EFCAB5: variants seen among roughly 807,000 people sequenced by gnomAD.
EFCAB5 encodes EF-hand calcium-binding domain-containing protein 5.
A neutral mutation model predicts 167.9 loss-of-function variants in EFCAB5; 131 were observed. The ratio of observed to expected loss-of-function variants is 0.78; its 90% CI spans 0.68 to 0.90. The LOEUF is 0.90. Ranked by LOEUF, EFCAB5 falls within the 40% of genes least tolerant of loss-of-function variation. The pLI is 0.00. For missense variants in EFCAB5, 1,663 were observed against 1,745.2 expected (o/e 0.95, Z 0.84); for synonymous variants, 574 against 602.8 (o/e 0.95, Z 0.70).
chr17:29,974,001 A>G (rs1250361525), intron 4 of EFCAB5, among the ~76,000 whole-genome samples: 1 of 151,406 alleles, frequency 6.6e-6, no homozygotes, highest in Non-Finnish European at 1.5e-5. Flanking sequence ...TACTAAAAAT[A>G]CAAAAATTAA....
intron 3 of EFCAB5, among the ~76,000 whole-genome samples, chr17:29,949,726 G>T (rs991935681): frequency 1.3e-5 from 2 of 152,210 alleles, no homozygotes; most frequent in African/African-American, 4.8e-5. Context: ...TGACCCTGCT[G>T]TTGCTGTGCT....
At chr17:30,055,004 G>A (rs1472545098) in intron 10 of EFCAB5, among the ~76,000 whole-genome samples, 1 of 152,132 alleles carries the variant, frequency 6.6e-6, no homozygotes, top group Non-Finnish European at 1.5e-5. Flanking sequence ...AAGTGAAAAG[G>A]TGAAAATTCT....
At chr17:30,101,146 C>T (rs1038844763) in intron 22 of EFCAB5, among the ~76,000 whole-genome samples, 3 of 152,150 alleles carry the variant, frequency 2.0e-5, no homozygotes, top group African/African-American at 7.2e-5. Flanking sequence ...AGCCACAACA[C>T]CCAGTGAATT....
chr17:30,053,603 C>A lies in EFCAB5; in HGVS notation c.1649C>A (p.Thr550Lys). The change falls in exon 10 of 23, where the codon ACA becomes AAA. Residue 550 changes from threonine (T) to lysine (K), a missense_variant. Thr to Lys is a moderately conservative substitution (Grantham distance 78, BLOSUM62 -1). Coordinates refer to ENST00000394835, the MANE Select transcript of EFCAB5 (RefSeq NM_198529.4). Reference protein sequence around the residue: ...IESVIEPGTHTESTLEQGSSR... With the variant: ...IESVIEPGTHKESTLEQGSSR... ...TCAGTAATAGAACCAGGAACACACA[C>A]AGAGTCAACTCTAGAACAAGGGTCA... 6.2e-7 allele frequency: 1 copy of A among 1,613,932 alleles called. No homozygotes were observed. The highest frequency in any genetic ancestry group is 1.1e-5 in the South Asian group (1 of 91,080).
Position 30,069,651 on chromosome 17 carries a change from C to T in EFCAB5, c.2738-8564C>T, listed in dbSNP as rs1597759889. ...CACAGCTAGCCTGGGCCACGGGGGCCCAGCACGAGAGTCTGCATGGGCGCT... is the reference window on the plus strand; with the variant it reads ...CACAGCTAGCCTGGGCCACGGGGGCTCAGCACGAGAGTCTGCATGGGCGCT... On this transcript the variant is annotated intron_variant, in intron 14 of 22. Transcript: ENST00000394835. The T allele has an allele frequency of 1.9e-6, 3 of 1,582,956 alleles. No homozygotes were observed. In the East Asian group the frequency reaches 6.8e-5, roughly 36 times the overall value.
intron 22 of EFCAB5, among the ~76,000 whole-genome samples, chr17:30,103,285 C>A (rs8082175): frequency 0.39 from 58,417 of 149,800 alleles, 13,679 homozygotes; most frequent in East Asian, 0.81. Flanking sequence ...GGTACATGAG[C>A]AAAAGAGTTT....
chr17:30,013,924 T>C (rs1315478289), intron 7 of EFCAB5, among the ~76,000 whole-genome samples: 1 of 152,262 alleles, frequency 6.6e-6, no homozygotes, highest in Non-Finnish European at 1.5e-5. Context: ...TTTCCTGCTT[T>C]CTCTTGTGGG....
At chr17:30,014,891 C>A (rs928904561) in intron 7 of EFCAB5, among the ~76,000 whole-genome samples, 5 of 152,148 alleles carry the variant, frequency 3.3e-5, no homozygotes, top group Admixed American at 6.6e-5. Flanking sequence ...TTCTTCCTAG[C>A]CTCGATGGTC....
intron 19 of EFCAB5, among the ~76,000 whole-genome samples, chr17:30,089,252 G>T (rs1384694582): frequency 6.6e-6 from 1 of 152,042 alleles, no homozygotes; most frequent in Non-Finnish European, 1.5e-5. Flanking sequence ...TGACCAATGG[G>T]CTCTATTGTT....
intron 3 of EFCAB5, among the ~76,000 whole-genome samples, chr17:29,958,708 A>C (rs1366615921): frequency 6.6e-6 from 1 of 152,136 alleles, no homozygotes; most frequent in Non-Finnish European, 1.5e-5. Flanking sequence ...CTGGGCATTG[A>C]AGAGTTAGGT....
Position 30,102,785 on chromosome 17 carries a change from G to C in EFCAB5, c.4322-5049G>C, listed in dbSNP as rs979001496. Among the ~76,000 whole-genome samples the C allele has an allele frequency of 1.4e-4, 21 of 152,070 alleles. No individual in the cohort carries two copies. The East Asian group carries it at 4.1e-3, about 29-fold the overall frequency. ...GATTCTGTTGAGACATTGAAAGACA[G>C]AAAGAAAGAAAGAAAAATACCAAAG... On this transcript the variant is annotated intron_variant, in intron 22 of 22. Coordinates refer to ENST00000394835, the MANE Select transcript of EFCAB5 (RefSeq NM_198529.4).
intron 3 of EFCAB5, among the ~76,000 whole-genome samples, chr17:29,958,412 C>G (rs2067659373): frequency 6.6e-6 from 1 of 152,106 alleles, no homozygotes; most frequent in Non-Finnish European, 1.5e-5. Flanking sequence ...TTGATCAATA[C>G]TGCAACTGAG....
chr17:30,105,264 A>C (rs910601365), intron 22 of EFCAB5, among the ~76,000 whole-genome samples: 1 of 152,080 alleles, frequency 6.6e-6, no homozygotes, highest in African/African-American at 2.4e-5. Flanking sequence ...GGGAGGCCGG[A>C]TCATCTGAGG....
chr17:30,092,716 C>A, intron 21 of EFCAB5, 124 bp from the exon 22 acceptor site: 1 of 612,980 alleles, frequency 1.6e-6, no homozygotes, highest in Non-Finnish European at 2.8e-6. Flanking sequence ...TCACTTCTAA[C>A]ACCATTGATT....
At chr17:29,970,675 C>T (rs1210510892) in intron 4 of EFCAB5, among the ~76,000 whole-genome samples, 3 of 145,126 alleles carry the variant, frequency 2.1e-5, no homozygotes, top group South Asian at 2.2e-4. Context: ...CACATACACA[C>T]ACACACACAC....
chr17:30,055,248 G>A (rs1265635438), intron 10 of EFCAB5, among the ~76,000 whole-genome samples: 2 of 151,676 alleles, frequency 1.3e-5, no homozygotes, highest in Non-Finnish European at 2.9e-5. Flanking sequence ...AGCCATGATT[G>A]CACCACTGCA....
At chr17:30,074,905 C>G (rs2070838426) in intron 14 of EFCAB5, among the ~76,000 whole-genome samples, 1 of 152,132 alleles carries the variant, frequency 6.6e-6, no homozygotes, top group Non-Finnish European at 1.5e-5. Flanking sequence ...TGAGTCTCCT[C>G]TCTCAGATTT....
intron 22 of EFCAB5, among the ~76,000 whole-genome samples, chr17:30,105,025 T>C (rs181671568): frequency 1.3e-5 from 2 of 152,060 alleles, no homozygotes; most frequent in African/African-American, 4.8e-5. Context: ...TTCATGGGCA[T>C]TAGGGAAGGG....
chr17:30,000,890 A>G (rs2068648014), intron 7 of EFCAB5, among the ~76,000 whole-genome samples: 1 of 152,214 alleles, frequency 6.6e-6, no homozygotes, highest in African/African-American at 2.4e-5. Flanking sequence ...AATCCATACT[A>G]TGAACCATCT....
Sources: allele counts gnomAD v4.1 joint callset (sites outside exome capture counted in the v4.1 genomes callset), GRCh38; gene constraint gnomAD v4.1.1; transcripts MANE v1.5; gene names NCBI Gene and HGNC (gene_info 2026-07-23, HGNC 2026-07-21).